XYLT1: variants seen among roughly 807,000 people sequenced by gnomAD.
XYLT1 encodes beta-D-xylosyltransferase 1.
In XYLT1, 36 loss-of-function variants were observed where a neutral mutation model predicts 91.3. The observed-to-expected ratio is 0.39, with a 90% CI of 0.30 to 0.52. The LOEUF (loss-of-function observed/expected upper bound fraction) is 0.52, where lower values mean the gene tolerates loss of function less well. Among genes scored for constraint, XYLT1 ranks in the 20% least tolerant of loss-of-function variants. The pLI is 0.68. For synonymous variants in XYLT1, 588 were observed against 532.0 expected, an observed-to-expected ratio of 1.11 and a Z score of -1.45; for missense variants, 1,242 against 1,284.5, an observed-to-expected ratio of 0.97 and a Z score of 0.51.
At chr16:17,340,004 TC>T (rs2035043156) in intron 2 of XYLT1, among the ~76,000 whole-genome samples, 1 of 151,686 alleles carries the variant, frequency 6.6e-6, no homozygotes, top group Non-Finnish European at 1.5e-5. Flanking sequence ...CATCCCTCTA[TC>T]CATCCACCCA....
At chr16:17,346,760 A>G (rs114799730) in intron 2 of XYLT1, among the ~76,000 whole-genome samples, 1 of 152,150 alleles carries the variant, frequency 6.6e-6, no homozygotes, top group Non-Finnish European at 1.5e-5. Flanking sequence ...AGCCCGTTTT[A>G]TAGCTGGAAG....
chr16:17,122,010 G>C (rs4780713), intron 10 of XYLT1, among the ~76,000 whole-genome samples: 136,744 of 151,982 alleles, frequency 0.9, 62,252 homozygotes, highest in Middle Eastern at 0.97. Flanking sequence ...TTTATTCACT[G>C]ATTGATGGGC....
At chr16:17,210,917 G>A (rs1214122495) in intron 3 of XYLT1, among the ~76,000 whole-genome samples, 2 of 152,136 alleles carry the variant, frequency 1.3e-5, no homozygotes, top group African/African-American at 2.4e-5. Flanking sequence ...GCAGAATCCT[G>A]CCCCCAGAAC....
At chr16:17,161,871 CT>C (rs1197331830) in intron 5 of XYLT1, among the ~76,000 whole-genome samples, 8 of 152,084 alleles carry the variant, frequency 5.3e-5, no homozygotes, top group African/African-American at 1.9e-4. Context: ...CTGAGGATAA[CT>C]GGGGCCTGTT....
At chr16:17,425,611 A>G (rs1052752931) in intron 1 of XYLT1, among the ~76,000 whole-genome samples, 10 of 152,316 alleles carry the variant, frequency 6.6e-5, no homozygotes, top group African/African-American at 2.4e-4. Flanking sequence ...CCCTTTGTTA[A>G]TTGTTCATAG....
Position 17,401,045 on chromosome 16 carries a change from TC to T in XYLT1, c.364-42996del, listed in dbSNP as rs528040237. On this transcript the variant is annotated intron_variant, in intron 1 of 11. Transcript: ENST00000261381. ...CTACAATCTATTCTTCAGAGTCAAT[TC>T]TTTAACATTAGTGTTTGACAAAATG... Among the ~76,000 whole-genome samples, 24 of 152,152 alleles carry T rather than the reference TC, an allele frequency of 1.6e-4. No homozygotes were observed. The South Asian group carries it at 3.9e-3, about 25-fold the overall frequency.
chr16:17,181,455 T>C (rs2032066450), intron 5 of XYLT1, among the ~76,000 whole-genome samples: 1 of 152,262 alleles, frequency 6.6e-6, no homozygotes, highest in East Asian at 1.9e-4. Flanking sequence ...TTAATTATCA[T>C]TGTCATCACT....
At chr16:17,452,421 C>T (rs1466715205) in intron 1 of XYLT1, among the ~76,000 whole-genome samples, 1 of 150,726 alleles carries the variant, frequency 6.6e-6, no homozygotes, top group Non-Finnish European at 1.5e-5. Flanking sequence ...CCAAGGAGTT[C>T]GAGACCATCC....
At chr16:17,239,456 CCATCCATCCATCCAT>C (rs1363039261) in intron 3 of XYLT1, among the ~76,000 whole-genome samples, 2 of 149,554 alleles carry the variant, frequency 1.3e-5, no homozygotes, top group Admixed American at 1.3e-4. Context: ...GTCCATTCAT[CCATCCATCCATCCAT>C]CATCCATCCA....
intron 2 of XYLT1, among the ~76,000 whole-genome samples, chr16:17,306,555 A>AAG (rs1371008224): frequency 8.5e-6 from 1 of 117,612 alleles, no homozygotes; most frequent in Non-Finnish European, 2.0e-5. Context: ...ACTGTCACAA[A>AAG]AGATATATAT....
intron 3 of XYLT1, among the ~76,000 whole-genome samples, chr16:17,247,560 T>G (rs929435216): frequency 6.6e-6 from 1 of 152,208 alleles, no homozygotes; most frequent in Non-Finnish European, 1.5e-5. Context: ...CGGTATTTTA[T>G]TCAGCAACCT....
At chr16:17,311,543 G>C (rs2034549852) in intron 2 of XYLT1, among the ~76,000 whole-genome samples, 1 of 152,134 alleles carries the variant, frequency 6.6e-6, no homozygotes, top group Non-Finnish European at 1.5e-5. Context: ...CTGCCCTACT[G>C]CTCAGACCCA....
chr16:17,259,636 C>A, intron 2 of XYLT1, 138 bp from the exon 3 acceptor site: 1 of 1,052,090 alleles, frequency 9.5e-7, no homozygotes, highest in Non-Finnish European at 1.3e-6. Context: ...ACTGGTTTAA[C>A]CTCTGGTAAG....
rs929364369 is a variant in XYLT1, at chr16:17,106,537, G to A, written c.*2158C>T. 1 of 152,378 alleles carries A rather than the reference G, an allele frequency of 6.6e-6. No individual in the cohort carries two copies. The highest frequency in any genetic ancestry group is 1.9e-4 in the East Asian group (1 of 5,168). The allele number at this position is 152,378 out of a possible 1,614,324, so 9.4% of individuals were successfully genotyped here. On this transcript the variant is annotated 3_prime_UTR_variant, in exon 12 of 12. Transcript: ENST00000261381. ...CCTCCTAAGATGGATCTCTCTCAAA[G>A]GAGCCTGTTTCCCTCTGTTAAGGTC...
In XYLT1 at chr16:17,404,106, G is replaced by C. The variant is rs573238432; in HGVS notation, c.364-46056C>G. 3.9e-5 allele frequency among the ~76,000 whole-genome samples: 6 copies of C among 152,222 alleles called. No individual in the cohort carries two copies. In the South Asian group the frequency reaches 8.3e-4, roughly 21 times the overall value. On this transcript the variant is annotated intron_variant, in intron 1 of 11. Coordinates refer to ENST00000261381, the MANE Select transcript of XYLT1 (RefSeq NM_022166.4). ...GTGTGTGTCTATGTGTGGTTGGGGG[G>C]GGGGCTCAGGGAGGAGGTGTGACAA...
intron 2 of XYLT1, among the ~76,000 whole-genome samples, chr16:17,277,263 T>G (rs1050595092): frequency 5.3e-5 from 8 of 152,130 alleles, no homozygotes; most frequent in African/African-American, 1.9e-4. Context: ...TAGTTGCATG[T>G]GTGTATTGTG....
At chr16:17,436,524 A>T (rs1364033385) in intron 1 of XYLT1, among the ~76,000 whole-genome samples, 1 of 152,152 alleles carries the variant, frequency 6.6e-6, no homozygotes, top group African/African-American at 2.4e-5. Flanking sequence ...GGTGAAACTG[A>T]ATTTGATCAT....
intron 1 of XYLT1, among the ~76,000 whole-genome samples, chr16:17,381,001 G>A (rs900953912): frequency 6.6e-6 from 1 of 152,230 alleles, no homozygotes; most frequent in South Asian, 2.1e-4. Flanking sequence ...GGGGCTGGGG[G>A]TGAGAGTGGA....
chr16:17,206,431 C>A lies in XYLT1; in HGVS notation c.914-5777G>T, dbSNP rs577359793. ...GCGGTGCTGTGTGGCGACAAGCATA[C>A]TGGATAAAGAGCAACGAGGTGGATT... On this transcript the variant is annotated intron_variant, in intron 3 of 11. Coordinates refer to ENST00000261381, the MANE Select transcript of XYLT1 (RefSeq NM_022166.4). Among the ~76,000 whole-genome samples the A allele has an allele frequency of 3.3e-5, 5 of 152,238 alleles. 1 individual carries two copies. The highest frequency in any genetic ancestry group is 3.3e-4 in the Admixed American group (5 of 15,276).
Sources: gnomAD v4.1 joint callset for allele counts (sites outside exome capture counted in the v4.1 genomes callset) on GRCh38, gnomAD v4.1.1 for gene constraint, MANE v1.5 for transcripts, NCBI Gene and HGNC (gene_info 2026-07-23, HGNC 2026-07-21) for gene names.